The following COPG2 variants were observed in gnomAD, a reference collection of about 807,000 sequenced individuals.
COPG2 encodes the protein coatomer subunit gamma-2.
COPG2 carries 37 observed loss-of-function variants against 46.3 expected under a neutral mutation model. That is an observed-to-expected ratio of 0.80 (90% CI 0.61 to 1.05). COPG2 has a LOEUF of 1.05. COPG2 is among the 50% of genes least tolerant of loss of function. COPG2 has a pLI of 0.00. For synonymous variants in COPG2, 159 were observed against 129.7 expected (o/e 1.23, Z -1.53); for missense variants, 427 against 387.8 (o/e 1.10, Z -0.85).
intron 4 of COPG2, among the ~76,000 whole-genome samples, chr7:130,660,617 C>T (rs1795958689): frequency 6.6e-6 from 1 of 152,178 alleles, no homozygotes; most frequent in African/African-American, 2.4e-5. Flanking sequence ...TGTTCACTGT[C>T]TCTCCAGTGC....
At position 130,510,884 on chromosome 7, in the gene COPG2, A is replaced by C. The variant is rs539359181; in HGVS notation, c.2150-2225T>G. On this transcript the variant is annotated intron_variant, in intron 20 of 23. Coordinates refer to ENST00000425248, the MANE Select transcript of COPG2 (RefSeq NM_012133.6). ...TCCATGGCAAGAAAATACTGAATGCACTGCCATAATGTAAATATGAGAGTT... is the reference window on the plus strand; with the variant it reads ...TCCATGGCAAGAAAATACTGAATGCCCTGCCATAATGTAAATATGAGAGTT... 138 of 517,216 alleles carry C rather than the reference A, an allele frequency of 2.7e-4. 1 individual carries two copies. The highest frequency in any genetic ancestry group is 1.9e-3 in the African/African-American group (101 of 51,934). The allele number at this position is 517,216 out of a possible 1,614,324, so 32.0% of individuals were successfully genotyped here. A position where few individuals can be genotyped will look rare whatever the true frequency, so the allele number is the denominator to read the frequency against.
chr7:130,663,513 G>A (rs1796017649), intron 3 of COPG2, among the ~76,000 whole-genome samples: 1 of 151,994 alleles, frequency 6.6e-6, no homozygotes, highest in Non-Finnish European at 1.5e-5. Context: ...GCAAGAAGGG[G>A]ACCAACCAAA....
chr7:130,551,765 G>A (rs1187750672), intron 15 of COPG2, among the ~76,000 whole-genome samples: 21 of 152,276 alleles, frequency 1.4e-4, no homozygotes, highest in South Asian at 6.2e-4. Context: ...TTTGTTTTAC[G>A]TAAACTAGCC....
chr7:130,512,070 A>AT (rs1161729302), intron 20 of COPG2, among the ~76,000 whole-genome samples: 1 of 151,298 alleles, frequency 6.6e-6, no homozygotes, highest in Non-Finnish European at 1.5e-5. Flanking sequence ...AAAAAAAAAA[A>AT]AAAAAAATAC....
intron 12 of COPG2, among the ~76,000 whole-genome samples, chr7:130,558,760 G>A (rs1352755677): frequency 8.5e-5 from 13 of 152,124 alleles, no homozygotes; most frequent in Non-Finnish European, 8.8e-5. Flanking sequence ...GGACTCAAGC[G>A]ATGCCCCTGC....
intron 20 of COPG2, among the ~76,000 whole-genome samples, chr7:130,511,162 G>A (rs1474583676): frequency 2.0e-5 from 3 of 152,200 alleles, no homozygotes; most frequent in Non-Finnish European, 2.9e-5. Context: ...GGCAGAGTGG[G>A]AAAGGTGGGA....
At chr7:130,659,351 T>C (rs1795924147) in intron 4 of COPG2, among the ~76,000 whole-genome samples, 1 of 7,368 alleles carries the variant, frequency 1.4e-4, no homozygotes. Context: ...CAAGACTCCG[T>C]CTCAAAAAAA....
intron 9 of COPG2, among the ~76,000 whole-genome samples, chr7:130,573,418 C>A (rs1584978235): frequency 2.0e-5 from 3 of 152,020 alleles, no homozygotes; most frequent in Admixed American, 2.0e-4. Flanking sequence ...TACAATCTCC[C>A]TTCTACCAAA....
intron 5 of COPG2, among the ~76,000 whole-genome samples, chr7:130,627,083 G>A (rs144813707): frequency 6.6e-6 from 1 of 152,264 alleles, no homozygotes; most frequent in East Asian, 1.9e-4. Flanking sequence ...TAGAGATGAG[G>A]TTTCACCATG....
chr7:130,607,001 G>A (rs1325558364), intron 9 of COPG2, among the ~76,000 whole-genome samples: 3 of 152,138 alleles, frequency 2.0e-5, no homozygotes, highest in Admixed American at 6.5e-5. Context: ...AGCACTTTGG[G>A]AGGCTGAGGC....
At position 130,668,732 on chromosome 7, in the gene COPG2, G is replaced by T; in HGVS notation, c.-64C>A. 6.7e-7 allele frequency: 1 copy of T among 1,492,282 alleles called. No homozygotes were observed. Among genetic ancestry groups the T allele is most frequent in the East Asian group, 2.9e-5 (1 of 34,296 alleles). 92.4% of individuals were successfully genotyped at this position (1,492,282 alleles called of 1,614,324 possible). ...TCCCAGGCGCCGCAGCCGGCGAGCG[G>T]AAGAGGCTGCAGGAAGGCCGGCCCC... On this transcript the variant is annotated 5_prime_UTR_variant, in exon 1 of 24. Coordinates refer to ENST00000425248, the MANE Select transcript of COPG2 (RefSeq NM_012133.6).
intron 9 of COPG2, among the ~76,000 whole-genome samples, chr7:130,606,536 G>C (rs903418046): frequency 6.6e-6 from 1 of 152,232 alleles, no homozygotes; most frequent in Non-Finnish European, 1.5e-5. Context: ...AGAGAGCTTA[G>C]TGAATTTGTG....
intron 9 of COPG2, among the ~76,000 whole-genome samples, chr7:130,603,149 C>T (rs1186114215): frequency 1.3e-5 from 2 of 152,070 alleles, no homozygotes; most frequent in South Asian, 2.1e-4. Context: ...GAAAATCATA[C>T]GTGAATTACT....
intron 9 of COPG2, among the ~76,000 whole-genome samples, chr7:130,578,708 C>T (rs1196436086): frequency 1.3e-5 from 2 of 151,908 alleles, no homozygotes; most frequent in Non-Finnish European, 2.9e-5. Context: ...AATGCAGAAG[C>T]CTCAGGAGCC....
In COPG2 at chr7:130,663,038, C is replaced by A. The variant is rs1438873551; in HGVS notation, c.172G>T (p.Gly58Cys). 4 of 1,514,026 alleles carry A rather than the reference C, an allele frequency of 2.6e-6. No homozygotes were observed. The Admixed American group carries it at 9.7e-5, about 37-fold the overall frequency. 93.8% of individuals were successfully genotyped at this position (1,514,026 alleles called of 1,614,324 possible). ...GCTTCCGTTGTTCCAAAGTGTTCAC[C>A]CTAAGTAAAATTTAAAACAATTTTT... is the stretch of plus-strand genomic sequence containing the variant. The part of the protein sequence containing the change: ...LTKILYLLNQ[G>C]EHFGTTEATE... Residue 58 changes from glycine (G) to cysteine (C), a missense_variant and splice_region_variant, in exon 4 of 24, where the codon GGT (glycine) becomes TGT (cysteine). Coordinates refer to ENST00000425248, the MANE Select transcript of COPG2 (RefSeq NM_012133.6).
At chr7:130,633,255 T>A (rs1795264458) in intron 5 of COPG2, among the ~76,000 whole-genome samples, 1 of 152,230 alleles carries the variant, frequency 6.6e-6, no homozygotes, top group Admixed American at 6.5e-5. Context: ...TTTGGATATA[T>A]ACCCAGTAAT....
At chr7:130,598,186 ATTTG>A (rs1794566296) in intron 9 of COPG2, among the ~76,000 whole-genome samples, 2 of 152,066 alleles carry the variant, frequency 1.3e-5, no homozygotes, top group South Asian at 2.1e-4. Flanking sequence ...GACTCTCAAT[ATTTG>A]TTTGCTTTTG....
chr7:130,520,388 C>G (rs1799714580), intron 20 of COPG2, among the ~76,000 whole-genome samples: 1 of 152,100 alleles, frequency 6.6e-6, no homozygotes, highest in African/African-American at 2.4e-5. Flanking sequence ...ATGACTTAGT[C>G]TGGGTTTGGA....
intron 17 of COPG2, among the ~76,000 whole-genome samples, chr7:130,549,743 T>G (rs997146516): frequency 1.3e-5 from 2 of 152,194 alleles, no homozygotes; most frequent in Non-Finnish European, 2.9e-5. Flanking sequence ...AAGCATAAAA[T>G]TGTTTCTTCC....
Sources: gnomAD v4.1 joint callset for allele counts (sites outside exome capture counted in the v4.1 genomes callset) on GRCh38, gnomAD v4.1.1 for gene constraint, MANE v1.5 for transcripts, NCBI Gene and HGNC (gene_info 2026-07-23, HGNC 2026-07-21) for gene names.